COPG2: variants seen among roughly 807,000 people sequenced by gnomAD.
The protein encoded by COPG2 is coat protein complex I subunit gamma 2, also known as coatomer subunit gamma-2.
In COPG2, 37 loss-of-function variants were observed where a neutral mutation model predicts 46.3. That is an observed-to-expected ratio of 0.80 (90% confidence interval 0.61 to 1.05). COPG2 has a LOEUF of 1.05. Ranked by LOEUF, COPG2 falls within the 50% of genes least tolerant of loss-of-function variation. The pLI is 0.00. For synonymous variants in COPG2, 159 were observed against 129.7 expected (o/e 1.23, Z -1.53); for missense variants, 427 against 387.8 (o/e 1.10, Z -0.85).
At chr7:130,595,805 C>T (rs1794515794) in intron 9 of COPG2, among the ~76,000 whole-genome samples, 1 of 98,614 alleles carries the variant, frequency 1.0e-5, no homozygotes, top group African/African-American at 3.5e-5. Flanking sequence ...ATTTGGGGAC[C>T]CCCCCCCTCC....
chr7:130,623,837 A>C lies in COPG2; in HGVS notation c.324-6772T>G, dbSNP rs544396984. Among the ~76,000 whole-genome samples the C allele has an allele frequency of 4.9e-4, 74 of 152,228 alleles. 1 individual carries two copies. Among genetic ancestry groups the C allele is most frequent in the African/African-American group, 1.7e-3 (70 of 41,496 alleles). On this transcript the variant is annotated intron_variant, in intron 5 of 23. Transcript: ENST00000425248. ...TTGTCTCAAGGAAAAAAATTGAAAA[A>C]TAAAACAATTTTTTTTTTCAAAAAA...
chr7:130,647,119 C>A (rs1554458428), intron 5 of COPG2, among the ~76,000 whole-genome samples: 1 of 151,716 alleles, frequency 6.6e-6, no homozygotes, highest in East Asian at 1.9e-4. Flanking sequence ...TGGCTCACTG[C>A]AATCTCTGCC....
At chr7:130,553,003 C>T (rs1262041028) in intron 14 of COPG2, among the ~76,000 whole-genome samples, 5 of 152,052 alleles carry the variant, frequency 3.3e-5, no homozygotes, top group African/African-American at 9.7e-5. Context: ...GAACTAAATC[C>T]GAATTGGTGG....
intron 4 of COPG2, among the ~76,000 whole-genome samples, chr7:130,659,813 G>A (rs1795939038): frequency 1.3e-5 from 2 of 152,136 alleles, no homozygotes; most frequent in African/African-American, 4.8e-5. Context: ...TCCAGAGGCT[G>A]AGGCAGGAGA....
chr7:130,570,775 G>A (rs1793882140), intron 9 of COPG2, among the ~76,000 whole-genome samples: 2 of 152,052 alleles, frequency 1.3e-5, no homozygotes, highest in African/African-American at 4.8e-5. Flanking sequence ...AAATCTGGAG[G>A]CATCACATTA....
At chr7:130,621,716 G>C (rs782155086) in intron 5 of COPG2, among the ~76,000 whole-genome samples, 1 of 151,976 alleles carries the variant, frequency 6.6e-6, no homozygotes, top group Non-Finnish European at 1.5e-5. Context: ...AGGCCGAAGC[G>C]GGTGAATAAC....
chr7:130,614,925 C>G (rs1794921306), intron 6 of COPG2, among the ~76,000 whole-genome samples: 1 of 152,142 alleles, frequency 6.6e-6, no homozygotes, highest in Non-Finnish European at 1.5e-5. Context: ...TCTTCATTTA[C>G]CCCACTTGGA....
At chr7:130,609,846 T>G (rs1421087568) in intron 9 of COPG2, among the ~76,000 whole-genome samples, 3 of 152,198 alleles carry the variant, frequency 2.0e-5, no homozygotes, top group Non-Finnish European at 4.4e-5. Flanking sequence ...AGATTTTTTT[T>G]CTAGTTTCTA....
intron 9 of COPG2, among the ~76,000 whole-genome samples, chr7:130,583,867 G>A (rs1179497337): frequency 2.8e-5 from 3 of 105,934 alleles, no homozygotes; most frequent in Admixed American, 1.1e-4. Context: ...AGAATTCACA[G>A]AATTCTACCA....
At chr7:130,574,783 T>C (rs1162000451) in intron 9 of COPG2, among the ~76,000 whole-genome samples, 5 of 151,706 alleles carry the variant, frequency 3.3e-5, no homozygotes, top group African/African-American at 1.2e-4. Context: ...CAAAGCCCAA[T>C]GCAAGGAAAT....
At chr7:130,522,484 G>T in intron 20 of COPG2, among the ~76,000 whole-genome samples, 1 of 152,078 alleles carries the variant, frequency 6.6e-6, no homozygotes, top group East Asian at 1.9e-4. Context: ...CTATCAGGCC[G>T]ATACGAAGGG....
chr7:130,628,513 A>G (rs1016840531), intron 5 of COPG2, among the ~76,000 whole-genome samples: 1 of 152,122 alleles, frequency 6.6e-6, no homozygotes, highest in Non-Finnish European at 1.5e-5. Flanking sequence ...ATATATTTTT[A>G]TATATGCTTT....
At chr7:130,572,531 GAATT>G (rs1418025919) in intron 9 of COPG2, among the ~76,000 whole-genome samples, 1 of 152,084 alleles carries the variant, frequency 6.6e-6, no homozygotes, top group African/African-American at 2.4e-5. Flanking sequence ...AACCAGAACT[GAATT>G]AAATTATAAA....
intron 5 of COPG2, chr7:130,645,087 A>G: frequency 2.7e-6 from 1 of 376,220 alleles, no homozygotes; most frequent in Non-Finnish European, 5.1e-6. Flanking sequence ...AAAAAAAAAG[A>G]AAAGAAATGC....
At chr7:130,506,885 G>T in intron 23 of COPG2, 79 bp from the exon 24 acceptor site, 1 of 669,808 alleles carries the variant, frequency 1.5e-6, no homozygotes. Context: ...TGCTATCCCT[G>T]CATCTCCTTT....
At position 130,668,682 on chromosome 7, in the gene COPG2, C is replaced by G. The variant is rs532247153; in HGVS notation, c.-14G>C. The G allele has an allele frequency of 7.0e-5, 108 of 1,533,428 alleles. 1 individual carries two copies. In the South Asian group the frequency reaches 1.2e-3, roughly 18 times the overall value. The allele number at this position is 1,533,428 out of a possible 1,614,324, so 95.0% of individuals were successfully genotyped here. A position where few individuals can be genotyped will look rare whatever the true frequency, so the allele number is the denominator to read the frequency against. On this transcript the variant is annotated 5_prime_UTR_variant, in exon 1 of 24. Coordinates refer to ENST00000425248, the MANE Select transcript of COPG2 (RefSeq NM_012133.6). The stretch of plus-strand genomic sequence containing the variant: ...TTTTTTAATCATCTTGGACGACTTC[C>G]CAGCGCCCAGACCCACCGCAACCGT...
intron 20 of COPG2, among the ~76,000 whole-genome samples, chr7:130,529,105 T>C (rs1013853983): frequency 2.6e-5 from 4 of 152,094 alleles, no homozygotes; most frequent in African/African-American, 4.8e-5. Context: ...TCCAGCATAG[T>C]AGAACCAAAA....
At chr7:130,563,661 G>A (rs1467892972) in intron 10 of COPG2, among the ~76,000 whole-genome samples, 2 of 145,866 alleles carry the variant, frequency 1.4e-5, no homozygotes, top group African/African-American at 5.0e-5. Context: ...GGCTGAGGCA[G>A]AAGCATGGCG....
At chr7:130,536,199 A>T (rs1296320247) in intron 20 of COPG2, among the ~76,000 whole-genome samples, 4 of 152,074 alleles carry the variant, frequency 2.6e-5, no homozygotes, top group African/African-American at 9.7e-5. Flanking sequence ...GGGGCAGACA[A>T]TGAGGTGGTT....
Sources: allele counts gnomAD v4.1 joint callset (sites outside exome capture counted in the v4.1 genomes callset), GRCh38; gene constraint gnomAD v4.1.1; transcripts MANE v1.5; gene names NCBI Gene and HGNC (gene_info 2026-07-23, HGNC 2026-07-21).